IARS1: variants seen among roughly 807,000 people sequenced by gnomAD.
The protein encoded by IARS1 is isoleucine--tRNA ligase, cytoplasmic.
A neutral mutation model predicts 168.2 loss-of-function variants in IARS1; 124 were observed. The ratio of observed to expected loss-of-function variants is 0.74; its 90% CI spans 0.64 to 0.86. The LOEUF (loss-of-function observed/expected upper bound fraction) is 0.86. Ranked by LOEUF, IARS1 falls within the 40% of genes least tolerant of loss-of-function variation. IARS1 has a pLI of 0.00. For synonymous variants in IARS1, 532 were observed against 529.4 expected (o/e 1.00, Z -0.07); for missense variants, 1,452 against 1,515.8 (o/e 0.96, Z 0.70).
chr9:92,265,782 C>G (rs1260667524), intron 14 of IARS1, among the ~76,000 whole-genome samples: 1 of 152,054 alleles, frequency 6.6e-6, no homozygotes, highest in African/African-American at 2.4e-5. Flanking sequence ...CTAAGCCTCC[C>G]AAGTACCTGG....
chr9:92,278,807 T>C (rs1022404528), intron 7 of IARS1, among the ~76,000 whole-genome samples: 1 of 152,234 alleles, frequency 6.6e-6, no homozygotes, highest in African/African-American at 2.4e-5. Context: ...TATTAGCACA[T>C]ACAGACTTTT....
intron 27 of IARS1, 93 bp downstream of exon 27, chr9:92,244,866 T>G: frequency 2.1e-6 from 2 of 943,750 alleles, no homozygotes; most frequent in Admixed American, 4.0e-5. Context: ...TGAGACAAGC[T>G]GTCAACATTA....
At chr9:92,284,126 G>A (rs187515644) in intron 6 of IARS1, among the ~76,000 whole-genome samples, 65 of 152,248 alleles carry the variant, frequency 4.3e-4, no homozygotes, top group African/African-American at 1.4e-3. Context: ...GTGGTTAGCC[G>A]AGATCGTGCC....
At chr9:92,287,746 G>C (rs2133990510) in intron 4 of IARS1, 45 bp downstream of exon 4, 1 of 1,569,184 alleles carries the variant, frequency 6.4e-7, no homozygotes, top group South Asian at 1.2e-5. Flanking sequence ...TGCCCATTTA[G>C]TAACTACATT....
At chr9:92,215,440 G>T (rs1838503657) in intron 33 of IARS1, among the ~76,000 whole-genome samples, 1 of 152,240 alleles carries the variant, frequency 6.6e-6, no homozygotes, top group Non-Finnish European at 1.5e-5. Context: ...TTGACGAGCT[G>T]AGAGAAGAGG....
intron 20 of IARS1, among the ~76,000 whole-genome samples, chr9:92,255,387 A>G (rs1427378956): frequency 2.0e-5 from 3 of 152,062 alleles, no homozygotes; most frequent in Admixed American, 2.0e-4. Flanking sequence ...CCTCACTGTG[A>G]CCCAGGGCCT....
intron 28 of IARS1, 93 bp from the exon 29 acceptor site, chr9:92,242,423 T>C (rs775451975): frequency 1.8e-5 from 18 of 985,468 alleles, no homozygotes; most frequent in Middle Eastern, 3.2e-4. Context: ...ACAGATCCCA[T>C]GCTGAATCAT....
intron 30 of IARS1, among the ~76,000 whole-genome samples, chr9:92,238,775 T>C (rs896935482): frequency 6.6e-6 from 1 of 152,224 alleles, no homozygotes; most frequent in African/African-American, 2.4e-5. Context: ...CATAACTTCC[T>C]AAGGTCCACT....
chr9:92,274,335 GT>G, intron 10 of IARS1, 90 bp downstream of exon 10: 2 of 960,256 alleles, frequency 2.1e-6, no homozygotes, highest in Middle Eastern at 2.2e-4. Flanking sequence ...GGCCAACCTG[GT>G]AACCCAACAT....
At chr9:92,256,631 C>A in intron 20 of IARS1, 49 bp downstream of exon 20, 2 of 1,544,728 alleles carry the variant, frequency 1.3e-6, no homozygotes, top group South Asian at 2.4e-5. Flanking sequence ...AGGGCAGTTA[C>A]AAAGAGAATA....
At chr9:92,285,932 G>T in intron 5 of IARS1, 93 bp from the exon 6 acceptor site, 1 of 729,390 alleles carries the variant, frequency 1.4e-6, no homozygotes, top group East Asian at 2.5e-5. Flanking sequence ...GTTTCTGTCT[G>T]CCAAATAAGT....
At chr9:92,257,926 T>G (rs1830957745) in intron 19 of IARS1, among the ~76,000 whole-genome samples, 1 of 152,164 alleles carries the variant, frequency 6.6e-6, no homozygotes, top group African/African-American at 2.4e-5. Context: ...CTGACAATGG[T>G]CAGTTGTGGG....
At chr9:92,226,733 G>C (rs1173494415) in intron 31 of IARS1, among the ~76,000 whole-genome samples, 1 of 151,520 alleles carries the variant, frequency 6.6e-6, no homozygotes. Flanking sequence ...GCAGCTGTGT[G>C]TAACTCCAAT....
intron 32 of IARS1, 52 bp downstream of exon 32, chr9:92,223,294 C>T: frequency 8.6e-6 from 13 of 1,506,264 alleles, no homozygotes; most frequent in Non-Finnish European, 1.1e-5. Flanking sequence ...ATATTAAAGA[C>T]AACTTCAATG....
At chr9:92,227,358 C>T (rs1825870383) in intron 31 of IARS1, among the ~76,000 whole-genome samples, 2 of 151,448 alleles carry the variant, frequency 1.3e-5, no homozygotes, top group South Asian at 2.1e-4. Flanking sequence ...GGCAGAGGTG[C>T]TCCTCACTTC....
chr9:92,217,849 G>A (rs1838992913), intron 33 of IARS1, among the ~76,000 whole-genome samples: 1 of 151,870 alleles, frequency 6.6e-6, no homozygotes, highest in Non-Finnish European at 1.5e-5. Context: ...AGAGGTACAA[G>A]GAGGAACTGG....
At chr9:92,275,781 G>A (rs998582596) in intron 9 of IARS1, among the ~76,000 whole-genome samples, 3 of 152,152 alleles carry the variant, frequency 2.0e-5, no homozygotes, top group Non-Finnish European at 2.9e-5. Flanking sequence ...AGCTTCCCTC[G>A]ATATTTCACA....
intron 6 of IARS1, among the ~76,000 whole-genome samples, chr9:92,284,167 A>T (rs546680620): frequency 6.6e-6 from 1 of 152,308 alleles, no homozygotes; most frequent in Non-Finnish European, 1.5e-5. Context: ...ACATAGCGAG[A>T]TCCTATCTCA....
intron 15 of IARS1, among the ~76,000 whole-genome samples, 173 bp from the exon 16 acceptor site, chr9:92,265,296 G>A (rs764353475): frequency 2.0e-5 from 3 of 152,140 alleles, no homozygotes; most frequent in Non-Finnish European, 4.4e-5. Context: ...CATCTGAAAG[G>A]TTATGCACCA....
Sources: allele counts gnomAD v4.1 joint callset (sites outside exome capture counted in the v4.1 genomes callset), GRCh38; gene constraint gnomAD v4.1.1; transcripts MANE v1.5; gene names NCBI Gene and HGNC (gene_info 2026-07-23, HGNC 2026-07-21).